Variants in ZFP90 observed in about 807,000 individuals in gnomAD.
The protein encoded by ZFP90 is ZFP90 zinc finger protein.
In ZFP90, 38 loss-of-function variants were observed where a neutral mutation model predicts 60.8. The ratio of observed to expected loss-of-function variants is 0.62; its 90% CI spans 0.48 to 0.82. The LOEUF is 0.82. ZFP90 is among the 40% of genes least tolerant of loss of function. The pLI, the probability that ZFP90 is intolerant of heterozygous loss-of-function variation, is 0.00. For synonymous variants in ZFP90, 287 were observed against 264.8 expected (o/e 1.08, Z -0.82); for missense variants, 711 against 759.1 (o/e 0.94, Z 0.74).
rs772136848 is a variant in ZFP90, at chr16:68,563,326, T to C, written c.539T>C (p.Ile180Thr). ...LVTQLNIPAR[I>T]RPSECETLGS... ...ACACAACTGAACATTCCTGCAAGAA[T>C]AAGGCCTAGTGAATGTGAGACCCTT... The change falls in exon 5 of 5, where the codon ATA (isoleucine) becomes ACA (threonine). Residue 180 changes from isoleucine (I) to threonine (T), a missense_variant. Coordinates refer to ENST00000563169, the MANE Select transcript of ZFP90 (RefSeq NM_001305203.2). 7 of 1,614,206 alleles carry C rather than the reference T, an allele frequency of 4.3e-6. No homozygotes were observed. The highest frequency in any genetic ancestry group is 5.9e-6 in the Non-Finnish European group (7 of 1,180,022).
chr16:68,576,354 C>T (rs1239078376), downstream of ZFP90, among the ~76,000 whole-genome samples: 1 of 152,194 alleles, frequency 6.6e-6, no homozygotes, highest in Non-Finnish European at 1.5e-5. Flanking sequence ...TGTTTAACAT[C>T]ATTGCTACCT....
rs546087160 is a variant in ZFP90 at position 68,556,960 on chromosome 16, C to G, written c.34-1038C>G. Among the ~76,000 whole-genome samples the G allele has an allele frequency of 7.9e-5, 12 of 152,182 alleles. No individual in the cohort carries two copies. The South Asian group carries it at 2.5e-3, about 32-fold the overall frequency. On this transcript the variant is annotated intron_variant, in intron 2 of 4. Coordinates refer to ENST00000563169, the MANE Select transcript of ZFP90 (RefSeq NM_001305203.2). ...GTCAAGGAACATCAAGATCAGCATG[C>G]GACAGCCTGGTGAGCCATGAGGGAA... is the stretch of plus-strand genomic sequence containing the variant.
At chr16:68,572,462 C>T (rs1274142672) in intron 2 of ZFP90, among the ~76,000 whole-genome samples, 4 of 152,168 alleles carry the variant, frequency 2.6e-5, no homozygotes, top group African/African-American at 9.7e-5. Flanking sequence ...CAAAATGTCA[C>T]ATTCCTCTGC....
downstream of ZFP90, among the ~76,000 whole-genome samples, chr16:68,570,036 ATGTGTGTGTGTATACG>A (rs1227459199): frequency 9.9e-6 from 1 of 101,028 alleles, no homozygotes; most frequent in African/African-American, 4.2e-5. Flanking sequence ...CTCAAATTAT[ATGTGTGTGTGTATACG>A]TGTGTGTGTG....
intron 2 of ZFP90, among the ~76,000 whole-genome samples, chr16:68,542,464 G>A (rs1003658527): frequency 3.9e-5 from 6 of 152,110 alleles, no homozygotes; most frequent in Admixed American, 6.5e-5. Flanking sequence ...GGTGACGGGC[G>A]CCTGTAGTCC....
chr16:68,563,572 C>A lies in ZFP90; in HGVS notation c.785C>A (p.Thr262Asn), dbSNP rs774144301. 9 of 1,614,086 alleles carry A rather than the reference C, an allele frequency of 5.6e-6. No homozygotes were observed. Among genetic ancestry groups the A allele is most frequent in the East Asian group, 4.5e-5 (2 of 44,894 alleles). Reference sequence around the variant, plus strand: ...CATGAATGTACCGACTGTGGGAAAACCTTTCTCTGGAAGACACAGCTTACT... The same window carrying A: ...CATGAATGTACCGACTGTGGGAAAAACTTTCTCTGGAAGACACAGCTTACT... The part of the protein sequence containing the change: ...KHHECTDCGK[T>N]FLWKTQLTEH... The change falls in exon 5 of 5, where the codon ACC (threonine) becomes AAC (asparagine). Residue 262 changes from threonine (T) to asparagine (N), a missense_variant. Physicochemically the swap from Thr to Asn is moderately conservative, Grantham distance 65. This residue lies in a region of ZFP90 where 146 missense variants were observed against 201.4 expected (regional missense o/e 0.73). Transcript: ENST00000563169.
rs1322615620 is a variant in ZFP90, at chr16:68,564,969, T to C, written c.*271T>C. 1 of 1,149,592 alleles carries C rather than the reference T, an allele frequency of 8.7e-7. No individual in the cohort carries two copies. The highest frequency in any genetic ancestry group is 1.1e-6 in the Non-Finnish European group (1 of 935,248). 71.2% of individuals were successfully genotyped at this position (1,149,592 alleles called of 1,614,324 possible). ...TGGACTTTGCTTTTGAATATATGTA[T>C]GCAGGATATCATCAAGTTTCAACAT... On this transcript the variant is annotated 3_prime_UTR_variant, in exon 5 of 5. Coordinates refer to ENST00000563169, the MANE Select transcript of ZFP90 (RefSeq NM_001305203.2).
At chr16:68,553,324 G>T (rs2091290564) in intron 2 of ZFP90, among the ~76,000 whole-genome samples, 1 of 152,192 alleles carries the variant, frequency 6.6e-6, no homozygotes, top group Admixed American at 6.5e-5. Context: ...AAGCCAGTGA[G>T]TGGGGAGCCA....
At position 68,564,222 on chromosome 16, in the gene ZFP90, G is replaced by C; in HGVS notation, c.1435G>C (p.Asp479His). 1 of 1,613,912 alleles carries C rather than the reference G, an allele frequency of 6.2e-7. No individual in the cohort carries two copies. Among genetic ancestry groups the C allele is most frequent in the African/African-American group, 1.3e-5 (1 of 74,994 alleles). Residue 479 changes from aspartate to histidine, a missense_variant, in exon 5 of 5, where the codon GAT (aspartate) becomes CAT (histidine). Physicochemically the swap from Asp to His is moderately conservative, Grantham distance 81. This residue lies in a region of ZFP90 where 295 missense variants were observed against 274.0 expected (regional missense o/e 1.08). Coordinates refer to ENST00000563169, the MANE Select transcript of ZFP90 (RefSeq NM_001305203.2). ...GATCCATACTGCAGAGAACCCCTATGATTGTGAGCAGGCTTTTAGTCAGCA... is the reference window on the plus strand; with the variant it reads ...GATCCATACTGCAGAGAACCCCTATCATTGTGAGCAGGCTTTTAGTCAGCA... ...QRIHTAENPYDCEQAFSQQAI... is the reference protein window; with the variant it reads ...QRIHTAENPYHCEQAFSQQAI...
chr16:68,562,336 A>C (rs2091451797), intron 4 of ZFP90: 1 of 152,262 alleles, frequency 6.6e-6, no homozygotes, highest in African/African-American at 2.4e-5. Context: ...CCTAAAAATC[A>C]ATTTGCTTGT....
At chr16:68,545,611 G>A (rs930630483) in intron 2 of ZFP90, among the ~76,000 whole-genome samples, 17 of 148,816 alleles carry the variant, frequency 1.1e-4, no homozygotes, top group Middle Eastern at 3.9e-3. Flanking sequence ...TCAGGAGATC[G>A]AGACCATCCT....
In ZFP90 at chr16:68,559,063, G is replaced by T. The variant is rs555302871; in HGVS notation, c.256+495G>T. Among the ~76,000 whole-genome samples, 4 of 152,180 alleles carry T rather than the reference G, an allele frequency of 2.6e-5. No homozygotes were observed. In the East Asian group the frequency reaches 7.7e-4, roughly 29 times the overall value. On this transcript the variant is annotated intron_variant, in intron 4 of 4. Coordinates refer to ENST00000563169, the MANE Select transcript of ZFP90 (RefSeq NM_001305203.2). ...ACTCATTACCTCCCTCCACAGTTCT[G>T]TAGTATCCTCATCTCCCAGTTCCTC... is the stretch of plus-strand genomic sequence containing the variant.
At chr16:68,555,466 G>A (rs2091328042) in intron 2 of ZFP90, among the ~76,000 whole-genome samples, 1 of 152,146 alleles carries the variant, frequency 6.6e-6, no homozygotes, top group Non-Finnish European at 1.5e-5. Flanking sequence ...CTCAGTAGAA[G>A]GGGCCACTCC....
Position 68,566,761 on chromosome 16 carries a change from A to G in ZFP90, c.*2063A>G. ...TGATTGGCTAGGATGCCTGTCAGGA[A>G]CTCATTATGCTACTGGTTGTTTGGG... is the stretch of plus-strand genomic sequence containing the variant. On this transcript the variant is annotated 3_prime_UTR_variant, in exon 5 of 5. Coordinates refer to ENST00000563169, the MANE Select transcript of ZFP90 (RefSeq NM_001305203.2). The G allele has an allele frequency of 6.1e-6, 6 of 985,562 alleles. No homozygotes were observed. Among genetic ancestry groups the G allele is most frequent in the Non-Finnish European group, 6.0e-6 (5 of 829,954 alleles). The allele number at this position is 985,562 out of a possible 1,614,324, so 61.1% of individuals were successfully genotyped here. A position where few individuals can be genotyped will look rare whatever the true frequency, so the allele number is the denominator to read the frequency against.
chr16:68,546,961 A>G (rs1055476469), intron 2 of ZFP90, among the ~76,000 whole-genome samples: 2 of 152,194 alleles, frequency 1.3e-5, no homozygotes, highest in Non-Finnish European at 2.9e-5. Context: ...GCTAAATACA[A>G]TTCCATTTTG....
downstream of ZFP90, among the ~76,000 whole-genome samples, chr16:68,571,807 G>C (rs1276726917): frequency 2.8e-5 from 1 of 35,220 alleles, no homozygotes; most frequent in Non-Finnish European, 1.2e-4. Flanking sequence ...ATTGTTAAAA[G>C]AAAAAGTCTT....
At chr16:68,558,416 A>C (rs779539010) in intron 3 of ZFP90, 57 bp from the exon 4 acceptor site, 1 of 1,505,026 alleles carries the variant, frequency 6.6e-7, no homozygotes, top group Non-Finnish European at 9.2e-7. Flanking sequence ...TGTCCTTAGG[A>C]GGGTTCTTTG....
chr16:68,556,171 A>C (rs191639225), intron 2 of ZFP90, among the ~76,000 whole-genome samples: 1 of 150,904 alleles, frequency 6.6e-6, no homozygotes, highest in Non-Finnish European at 1.5e-5. Context: ...TCCTGTCTCC[A>C]AAAAAAAAGC....
chr16:68,548,793 T>C (rs1316607127), intron 2 of ZFP90, among the ~76,000 whole-genome samples: 1 of 152,144 alleles, frequency 6.6e-6, no homozygotes, highest in Non-Finnish European at 1.5e-5. Flanking sequence ...CCCAGCCTTA[T>C]CCTCCTATCT....
Sources: gnomAD v4.1 joint callset for allele counts (sites outside exome capture counted in the v4.1 genomes callset) on GRCh38, gnomAD v4.1.1 for gene constraint, gnomAD v4.1.1 regional missense constraint, MANE v1.5 for transcripts, NCBI Gene and HGNC (gene_info 2026-07-23, HGNC 2026-07-21) for gene names.